Variants in ZNF594 observed in about 807,000 individuals in gnomAD.
The protein encoded by ZNF594 is zinc finger protein HZF18.
For missense variants in ZNF594, 1,037 were observed against 964.6 expected (o/e 1.08, Z -0.99); for synonymous variants, 336 against 309.4 (o/e 1.09, Z -0.90).
In ZNF594 at chr17:5,183,491, T is replaced by C. The variant is rs757201606; in HGVS notation, c.766A>G (p.Ile256Val). ...TCTCCAGTGTGAATTCTGTGATGTA[T>C]AATAAGATCTGTGCTTTGACTGAAA... The part of the protein sequence containing the change: ...KAFSQSTDLI[I>V]HHRIHTGEKP... Residue 256 changes from isoleucine to valine, a missense_variant, in exon 2 of 2, where the codon ATA becomes GTA. Transcript: ENST00000575779. 26 of 1,614,070 alleles carry C rather than the reference T, an allele frequency of 1.6e-5. No homozygotes were observed. Among genetic ancestry groups the C allele is most frequent in the Non-Finnish European group, 2.0e-5 (24 of 1,180,032 alleles).
At position 5,183,047 on chromosome 17, in the gene ZNF594, A is replaced by G. The variant is rs1305194941; in HGVS notation, c.1210T>C (p.Tyr404His). The change falls in exon 2 of 2, where the codon TAT becomes CAT. Residue 404 changes from tyrosine (Y) to histidine (H), a missense_variant. Physicochemically the swap from Tyr to His is moderately conservative, Grantham distance 83 (BLOSUM62 2). Coordinates refer to ENST00000575779, the MANE Select transcript of ZNF594 (RefSeq NM_032530.2). ...HQVTHTGEKP[Y>H]ECKECGKTFN... Reference sequence around the variant, plus strand: ...GTTTTCCCACATTCTTTACATTCATATGGTTTCTCTCCTGTATGAGTTACC... The same window carrying G: ...GTTTTCCCACATTCTTTACATTCATGTGGTTTCTCTCCTGTATGAGTTACC... 6.2e-7 allele frequency: 1 copy of G among 1,614,026 alleles called. No individual in the cohort carries two copies. The highest frequency in any genetic ancestry group is 2.2e-5 in the East Asian group (1 of 44,854).
In ZNF594 at chr17:5,179,782, G is replaced by C. The variant is rs945697977; in HGVS notation, c.*2051C>G. The C allele has an allele frequency of 1.3e-5, 2 of 152,080 alleles. No homozygotes were observed. The highest frequency in any genetic ancestry group is 2.4e-5 in the African/African-American group (1 of 41,406). 9.4% of individuals were successfully genotyped at this position (152,080 alleles called of 1,614,324 possible). A position where few individuals can be genotyped will look rare whatever the true frequency, so the allele number is the denominator to read the frequency against. ...AATGGTAAATTATTTGCTTTGGGCT[G>C]GAATTTTAGTACCTAGGTCTGCCTA... is the stretch of plus-strand genomic sequence containing the variant. On this transcript the variant is annotated 3_prime_UTR_variant, in exon 2 of 2. Transcript: ENST00000575779.
At chr17:5,177,666 G>A (rs748930151), downstream of ZNF594, among the ~76,000 whole-genome samples, 3 of 152,092 alleles carry the variant, frequency 2.0e-5, no homozygotes, top group South Asian at 2.1e-4. Context: ...GTGAAACCCC[G>A]TGTCTACTAG....
chr17:5,182,710 T>C lies in ZNF594; in HGVS notation c.1547A>G (p.Tyr516Cys), dbSNP rs751876420. ...GAGCTTCCCACATTCCTTACATTCA[T>C]AGGGTTTCTCACCACTATGAATTCT... is the stretch of plus-strand genomic sequence containing the variant. Reference protein sequence around the residue: ...HRRIHSGEKPYECKECGKLFI... With the variant: ...HRRIHSGEKPCECKECGKLFI... The change falls in exon 2 of 2, where the codon TAT (tyrosine) becomes TGT (cysteine). Residue 516 changes from tyrosine (Y) to cysteine (C), a missense_variant. Tyr to Cys is a radical substitution (Grantham distance 194, BLOSUM62 -2). Coordinates refer to ENST00000575779, the MANE Select transcript of ZNF594 (RefSeq NM_032530.2). 13 of 1,613,986 alleles carry C rather than the reference T, an allele frequency of 8.1e-6. No individual in the cohort carries two copies. The highest frequency in any genetic ancestry group is 4.5e-5 in the East Asian group (2 of 44,824).
downstream of ZNF594, among the ~76,000 whole-genome samples, chr17:5,178,045 G>A (rs1166059780): frequency 6.8e-6 from 1 of 147,498 alleles, no homozygotes; most frequent in Non-Finnish European, 1.5e-5. Context: ...CTTCCAAAGA[G>A]AAGAAATATA....
intron 1 of ZNF594, among the ~76,000 whole-genome samples, chr17:5,185,559 C>A (rs886595524): frequency 3.9e-5 from 6 of 152,184 alleles, no homozygotes; most frequent in African/African-American, 1.4e-4. Context: ...TATGTCCTCA[C>A]ATTTCAAAAC....
At position 5,183,607 on chromosome 17, in the gene ZNF594, C is replaced by A. The variant is rs561624636; in HGVS notation, c.650G>T (p.Gly217Val). ...GTTTGAGCTTCCCTTAAAAGCCTTCCCACACTCTTTGCACTCATAGGGATT... is the reference window on the plus strand; with the variant it reads ...GTTTGAGCTTCCCTTAAAAGCCTTCACACACTCTTTGCACTCATAGGGATT... ...GGNPYECKECGKAFKGSSNLV... is the reference protein window; with the variant it reads ...GGNPYECKECVKAFKGSSNLV... The change falls in exon 2 of 2, where the codon GGG becomes GTG. Residue 217 changes from glycine to valine, a missense_variant. Physicochemically the swap from Gly to Val is moderately radical, Grantham distance 109. Transcript: ENST00000575779. The A allele has an allele frequency of 1.2e-6, 2 of 1,614,172 alleles. No individual in the cohort carries two copies. Among genetic ancestry groups the A allele is most frequent in the African/African-American group, 2.7e-5 (2 of 75,032 alleles).
In ZNF594 at chr17:5,182,433, G is replaced by A. The variant is rs2074350752; in HGVS notation, c.1824C>T (p.Ser608=). 1.9e-6 allele frequency: 3 copies of A among 1,613,556 alleles called. No individual in the cohort carries two copies. In the Admixed American group the frequency reaches 5.0e-5, roughly 27 times the overall value. ...CKECGKTFNQ[S]SDLLRHHRIH... is the part of the protein sequence containing the mutation. Reference sequence around the variant, plus strand: ...TTCTATGATGTCTCAGAAGGTCTGAGCTCTGATTGAAAGTTTTCCCACATT... The same window carrying A: ...TTCTATGATGTCTCAGAAGGTCTGAACTCTGATTGAAAGTTTTCCCACATT... Residue 608 remains serine (S), a synonymous_variant, in exon 2 of 2, where the codon AGC becomes AGT. Coordinates refer to ENST00000575779, the MANE Select transcript of ZNF594 (RefSeq NM_032530.2).
In ZNF594 at chr17:5,183,080, T is replaced by A; in HGVS notation, c.1177A>T (p.Arg393Ter). 6.2e-7 allele frequency: 1 copy of A among 1,614,192 alleles called. No individual in the cohort carries two copies. The highest frequency in any genetic ancestry group is 8.5e-7 in the Non-Finnish European group (1 of 1,180,036). The change falls in exon 2 of 2, where the codon AGA becomes TGA. Residue 393 changes from arginine to a stop codon, truncating the protein, a stop_gained. Transcript: ENST00000575779. LOFTEE classifies it low-confidence loss of function (END_TRUNC). ...RNFQGTSDLI[R>*]HQVTHTGEKP... ...TCTCCTGTATGAGTTACCTGATGTC[T>A]GATGAGGTCTGAGGTGCCCTGGAAA...
intron 1 of ZNF594, among the ~76,000 whole-genome samples, chr17:5,185,039 C>T (rs890145968): frequency 2.0e-5 from 3 of 152,212 alleles, no homozygotes; most frequent in African/African-American, 7.2e-5. Flanking sequence ...TCAGACCTCA[C>T]ATTTTTCTTT....
downstream of ZNF594, among the ~76,000 whole-genome samples, chr17:5,176,447 A>C (rs1434270835): frequency 6.6e-6 from 1 of 151,514 alleles, no homozygotes; most frequent in African/African-American, 2.4e-5. Flanking sequence ...AATCAGCAGC[A>C]GTGGCAGCTT....
intron 1 of ZNF594, among the ~76,000 whole-genome samples, chr17:5,188,193 T>C (rs1165573092): frequency 6.7e-6 from 1 of 148,232 alleles, no homozygotes; most frequent in Non-Finnish European, 1.5e-5. Context: ...TCGATATACA[T>C]ATATATATAG....
In ZNF594 at chr17:5,179,654, T is replaced by C. The variant is rs1019292827; in HGVS notation, c.*2179A>G. On this transcript the variant is annotated 3_prime_UTR_variant, in exon 2 of 2. Coordinates refer to ENST00000575779, the MANE Select transcript of ZNF594 (RefSeq NM_032530.2). Reference sequence around the variant, plus strand: ...TGATTCAAGCTCCATCAAAGATGAATTGGTTAGTTTTTAATCTGGAGTTTA... The same window carrying C: ...TGATTCAAGCTCCATCAAAGATGAACTGGTTAGTTTTTAATCTGGAGTTTA... 2.0e-5 allele frequency: 3 copies of C among 152,172 alleles called. No individual in the cohort carries two copies. The highest frequency in any genetic ancestry group is 4.4e-5 in the Non-Finnish European group (3 of 68,030). 9.4% of individuals were successfully genotyped at this position (152,172 alleles called of 1,614,324 possible).
Position 5,182,933 on chromosome 17 carries a change from T to C in ZNF594, c.1324A>G (p.Arg442Gly), listed in dbSNP as rs201039661. 1.4e-5 allele frequency: 22 copies of C among 1,614,032 alleles called. No homozygotes were observed. In the African/African-American group the frequency reaches 2.8e-4, roughly 21 times the overall value. ...CVCSKCGKSFRGSSDLIRHHR... is the reference protein window; with the variant it reads ...CVCSKCGKSFGGSSDLIRHHR... Reference sequence around the variant, plus strand: ...TGTCTAATAAGATCTGAGCTGCCCCTAAAAGATTTCCCACATTTGCTACAT... The same window carrying C: ...TGTCTAATAAGATCTGAGCTGCCCCCAAAAGATTTCCCACATTTGCTACAT... The change falls in exon 2 of 2, where the codon AGG becomes GGG. Residue 442 changes from arginine (R) to glycine (G), a missense_variant. Transcript: ENST00000575779.
At chr17:5,175,204 G>C (rs1272248772), downstream of ZNF594, among the ~76,000 whole-genome samples, 1 of 152,192 alleles carries the variant, frequency 6.6e-6, no homozygotes, top group Non-Finnish European at 1.5e-5. Context: ...TAGGAACCGG[G>C]CTGCACAGCA....
At chr17:5,188,968 C>T (rs1598137977) in intron 1 of ZNF594, among the ~76,000 whole-genome samples, 1 of 151,748 alleles carries the variant, frequency 6.6e-6, no homozygotes, top group African/African-American at 2.4e-5. Context: ...AGGATGGTCT[C>T]GATCTCCTGA....
intron 1 of ZNF594, among the ~76,000 whole-genome samples, chr17:5,185,256 G>A (rs1025668936): frequency 1.1e-4 from 17 of 152,194 alleles, no homozygotes; most frequent in African/African-American, 3.9e-4. Context: ...GTTCCACATG[G>A]CTGGGAAGGC....
In ZNF594 at chr17:5,183,467, C is replaced by T. The variant is rs780143287; in HGVS notation, c.790G>A (p.Glu264Lys). The T allele has an allele frequency of 1.2e-6, 2 of 1,614,068 alleles. No homozygotes were observed. The highest frequency in any genetic ancestry group is 1.1e-5 in the South Asian group (1 of 91,084). ...CAGTCATAACATTCATAGGGTTTCT[C>T]TCCAGTGTGAATTCTGTGATGTATA... ...LIIHHRIHTG[E>K]KPYECYDCGQ... The change falls in exon 2 of 2, where the codon GAG becomes AAG. Residue 264 changes from glutamate to lysine, a missense_variant. Physicochemically the swap from Glu to Lys is moderately conservative, Grantham distance 56. Transcript: ENST00000575779.
chr17:5,177,166 A>G (rs911992534), downstream of ZNF594, among the ~76,000 whole-genome samples: 3 of 150,860 alleles, frequency 2.0e-5, no homozygotes, highest in African/African-American at 4.9e-5. Flanking sequence ...ACTGCACTCC[A>G]GCATGGGCAA....
Sources: gnomAD v4.1 joint callset for allele counts (sites outside exome capture counted in the v4.1 genomes callset) on GRCh38, gnomAD v4.1.1 for gene constraint, MANE v1.5 for transcripts, NCBI Gene and HGNC (gene_info 2026-07-23, HGNC 2026-07-21) for gene names.